The following PARD3 variants were observed in gnomAD, a reference collection of about 807,000 sequenced individuals.
PARD3 encodes par-3 family cell polarity regulator.
A neutral mutation model predicts 155.4 loss-of-function variants in PARD3; 75 were observed. The ratio of observed to expected loss-of-function variants is 0.48; its 90% confidence interval spans 0.40 to 0.58. The LOEUF (loss-of-function observed/expected upper bound fraction) is 0.58. Among genes scored for constraint, PARD3 ranks in the 20% least tolerant of loss-of-function variants. The pLI is 0.00. For missense variants in PARD3, 1,642 were observed against 1,721.7 expected (o/e 0.95, Z 0.82); for synonymous variants, 576 against 610.5 (o/e 0.94, Z 0.83).
chr10:34,424,650 G>T (rs1459547238), intron 5 of PARD3, among the ~76,000 whole-genome samples: 1 of 152,054 alleles, frequency 6.6e-6, no homozygotes, highest in East Asian at 1.9e-4. Flanking sequence ...CAGAGGCTGG[G>T]ACTACAGGCG....
At chr10:34,742,595 A>G (rs2095038947) in intron 1 of PARD3, among the ~76,000 whole-genome samples, 1 of 152,188 alleles carries the variant, frequency 6.6e-6, no homozygotes, top group Non-Finnish European at 1.5e-5. Context: ...CTGACCTAAA[A>G]AACAGAGAAT....
intron 22 of PARD3, among the ~76,000 whole-genome samples, chr10:34,153,164 A>T (rs975327611): frequency 2.0e-5 from 3 of 152,186 alleles, no homozygotes; most frequent in Admixed American, 2.0e-4. Flanking sequence ...CACTGAGTAT[A>T]CACGGATGCA....
intron 5 of PARD3, among the ~76,000 whole-genome samples, chr10:34,432,337 T>TACACACACACAC (rs71917947): frequency 1.8e-3 from 261 of 143,552 alleles, no homozygotes; most frequent in South Asian, 5.1e-3. Context: ...CACGTGCACA[T>TACACACACACAC]ACACACACAC....
intron 18 of PARD3, among the ~76,000 whole-genome samples, chr10:34,335,386 G>C (rs1009831103): frequency 1.3e-5 from 2 of 151,972 alleles, no homozygotes; most frequent in African/African-American, 4.8e-5. Context: ...GCTAAGTAGT[G>C]TAACTACATC....
At position 34,588,673 on chromosome 10, in the gene PARD3, A is replaced by G. The variant is rs141189401; in HGVS notation, c.223-71514T>C. ...CTTGGGGCCACGCAATAAATGTCTC[A>G]CTTTCTCTTGCTGCAATCCCGTTAG... On this transcript the variant is annotated intron_variant, in intron 2 of 24. Transcript: ENST00000374788. 3.4e-4 allele frequency among the ~76,000 whole-genome samples: 52 copies of G among 152,112 alleles called. No individual in the cohort carries two copies. The East Asian group carries it at 9.9e-3, about 29-fold the overall frequency.
At chr10:34,355,924 CAAAAAAAAA>C (rs869284165) in intron 14 of PARD3, among the ~76,000 whole-genome samples, 1 of 42,726 alleles carries the variant, frequency 2.3e-5, no homozygotes, top group Non-Finnish European at 4.3e-5. Flanking sequence ...CACTCCGTCT[CAAAAAAAAA>C]AAAAAAAAAA....
intron 4 of PARD3, among the ~76,000 whole-genome samples, chr10:34,463,256 AG>A (rs1271953620): frequency 2.0e-5 from 2 of 101,452 alleles, no homozygotes; most frequent in Non-Finnish European, 3.9e-5. Context: ...GAAAGGGAAG[AG>A]GAAGGGGAAG....
intron 4 of PARD3, among the ~76,000 whole-genome samples, chr10:34,466,525 C>T (rs1198839409): frequency 6.6e-6 from 1 of 152,132 alleles, no homozygotes; most frequent in African/African-American, 2.4e-5. Context: ...ATATAAACCA[C>T]TTAACTATGT....
intron 24 of PARD3, among the ~76,000 whole-genome samples, chr10:34,117,776 T>G: frequency 6.6e-6 from 1 of 152,028 alleles, no homozygotes; most frequent in East Asian, 1.9e-4. Context: ...CCAGGCGAGG[T>G]GGCGCACGCC....
At chr10:34,725,590 TAA>T (rs1414073833) in intron 1 of PARD3, among the ~76,000 whole-genome samples, 1 of 152,158 alleles carries the variant, frequency 6.6e-6, no homozygotes, top group Non-Finnish European at 1.5e-5. Context: ...TTATTCATCG[TAA>T]AAATCTACCC....
intron 20 of PARD3, among the ~76,000 whole-genome samples, chr10:34,286,867 G>C (rs1225230858): frequency 6.6e-6 from 1 of 152,206 alleles, no homozygotes. Flanking sequence ...ATGGAGGACA[G>C]TGAGAGAAGT....
chr10:34,681,760 ATATATATATTTT>A (rs1237096544), intron 2 of PARD3, among the ~76,000 whole-genome samples: 4 of 21,546 alleles, frequency 1.9e-4, no homozygotes, highest in East Asian at 1.1e-3. Flanking sequence ...ATATATATAT[ATATATATATTTT>A]TTTTTTTTTT....
At chr10:34,443,965 C>G (rs1235526296) in intron 5 of PARD3, among the ~76,000 whole-genome samples, 1 of 152,162 alleles carries the variant, frequency 6.6e-6, no homozygotes, top group Non-Finnish European at 1.5e-5. Context: ...ATGACGTAGA[C>G]ATCGGCATTT....
At chr10:34,678,638 AATAAAC>A (rs1475980662) in intron 2 of PARD3, among the ~76,000 whole-genome samples, 4 of 152,320 alleles carry the variant, frequency 2.6e-5, no homozygotes, top group Admixed American at 6.5e-5. Flanking sequence ...GCAATAAGTG[AATAAAC>A]ATAAACACTA....
Position 34,815,007 on chromosome 10 carries a change from C to A in PARD3, c.-12G>T. On this transcript the variant is annotated 5_prime_UTR_variant, in exon 1 of 25. Transcript: ENST00000374788. ...ACGGTCACTTTCATGCCGCCGCCGCCGCGGGCGGGCCCGCGCCCCTCGCCG... is the reference window on the plus strand; with the variant it reads ...ACGGTCACTTTCATGCCGCCGCCGCAGCGGGCGGGCCCGCGCCCCTCGCCG... 1 of 1,456,788 alleles carries A rather than the reference C, an allele frequency of 6.9e-7. No individual in the cohort carries two copies. The highest frequency in any genetic ancestry group is 9.1e-7 in the Non-Finnish European group (1 of 1,100,476). 90.2% of individuals were successfully genotyped at this position (1,456,788 alleles called of 1,614,324 possible).
Position 34,337,343 on chromosome 10 carries a change from T to G in PARD3, c.2492A>C (p.Lys831Thr). The stretch of plus-strand genomic sequence containing the variant: ...CAATTGACTGGCATCTGAAAATTGC[T>G]TTGTGCGTTTTTCTGACATACTCTG... Reference protein sequence around the residue: ...GRQSMSEKRTKQFSDASQLDF... With the variant: ...GRQSMSEKRTTQFSDASQLDF... The change falls in exon 17 of 25, where the codon AAG becomes ACG. Residue 831 changes from lysine to threonine, a missense_variant. Lys to Thr is a moderately conservative substitution (Grantham distance 78). Coordinates refer to ENST00000374788, the MANE Select transcript of PARD3 (RefSeq NM_001184785.2). 6.2e-7 allele frequency: 1 copy of G among 1,603,450 alleles called. No homozygotes were observed. Among genetic ancestry groups the G allele is most frequent in the South Asian group, 1.1e-5 (1 of 89,668 alleles).
intron 1 of PARD3, among the ~76,000 whole-genome samples, chr10:34,703,806 A>G (rs968880312): frequency 5.9e-5 from 9 of 152,174 alleles, no homozygotes; most frequent in Non-Finnish European, 8.8e-5. Context: ...GAATCTAGAC[A>G]ATCATCTACC....
intron 2 of PARD3, among the ~76,000 whole-genome samples, chr10:34,674,051 G>GTAGTTTTCTAACACT (rs2093656372): frequency 6.6e-6 from 1 of 151,256 alleles, no homozygotes; most frequent in Non-Finnish European, 1.5e-5. Context: ...TTCTTAGCAA[G>GTAGTTTTCTAACACT]TAGTTTTCTA....
chr10:34,756,477 TAAAAAAAAAA>T (rs34468358), intron 1 of PARD3, among the ~76,000 whole-genome samples: 2 of 83,280 alleles, frequency 2.4e-5, no homozygotes, highest in East Asian at 3.9e-4. Context: ...TTTTTTCTTA[TAAAAAAAAAA>T]AAAAAAAAAA....
Sources: gnomAD v4.1 joint callset for allele counts (sites outside exome capture counted in the v4.1 genomes callset) on GRCh38, gnomAD v4.1.1 for gene constraint, MANE v1.5 for transcripts, NCBI Gene and HGNC (gene_info 2026-07-23, HGNC 2026-07-21) for gene names.